Variants in DNAH1 observed in about 807,000 individuals in gnomAD.
DNAH1 encodes the protein dynein axonemal heavy chain 1, also known as axonemal beta dynein heavy chain 1.
DNAH1 carries 327 observed loss-of-function variants against 484.3 expected under a neutral mutation model. The observed-to-expected ratio is 0.68, with a 90% CI of 0.62 to 0.74. DNAH1 has a LOEUF of 0.74. Ranked by LOEUF, DNAH1 falls within the 30% of genes least tolerant of loss-of-function variation. DNAH1 has a pLI of 0.00. For synonymous variants in DNAH1, 2,192 were observed against 2,191.9 expected (o/e 1.00, Z 0.00); for missense variants, 5,052 against 5,546.8 (o/e 0.91, Z 2.83).
rs1324599708 is a variant in DNAH1 at position 52,395,858 on chromosome 3, C to T, written c.11259+180C>T. Among the ~76,000 whole-genome samples the T allele has an allele frequency of 6.6e-6, 1 of 152,176 alleles. No homozygotes were observed. The highest frequency in any genetic ancestry group is 6.5e-5 in the Admixed American group (1 of 15,282). ...ATTAATCCTCTCAATCCACCCCCAC[C>T]CCCAGTTACCTGTACAAGCGGTGAT... is the stretch of plus-strand genomic sequence containing the variant. On this transcript the variant is annotated intron_variant, in intron 70 of 77. Transcript: ENST00000420323. The surrounding 1 kb of genome is among the most constrained non-coding windows in gnomAD (Gnocchi z 4.4).
chr3:52,373,135 C>A, intron 44 of DNAH1, 82 bp downstream of exon 44: 1 of 1,429,742 alleles, frequency 7.0e-7, no homozygotes, highest in Non-Finnish European at 9.2e-7. Context: ...TGAAGGCCTA[C>A]AATACTTTAA....
chr3:52,348,013 G>GCCCT, intron 12 of DNAH1, 39 bp downstream of exon 12: 2 of 1,568,886 alleles, frequency 1.3e-6, no homozygotes, highest in Non-Finnish European at 1.7e-6. Context: ...GGCACCTGCT[G>GCCCT]CCCTGGCTGC....
chr3:52,360,290 C>T (rs1215480589), intron 27 of DNAH1, 21 bp from the exon 28 acceptor site: 3 of 1,604,976 alleles, frequency 1.9e-6, no homozygotes, highest in Admixed American at 3.3e-5. Context: ...TGGCCAGGCC[C>T]TCATCTCCCT....
At position 52,391,342 on chromosome 3, in the gene DNAH1, G is replaced by A; in HGVS notation, c.9891+14G>A. 1.2e-6 allele frequency: 2 copies of A among 1,602,444 alleles called. No individual in the cohort carries two copies. Among genetic ancestry groups the A allele is most frequent in the South Asian group, 1.1e-5 (1 of 89,366 alleles). ...CTGCTCAAGCAGGTGGGTCTGCAGTGGTGATGGCAGGGTGGCAGTAGGCCT... is the reference window on the plus strand; with the variant it reads ...CTGCTCAAGCAGGTGGGTCTGCAGTAGTGATGGCAGGGTGGCAGTAGGCCT... On this transcript the variant is annotated intron_variant, in intron 62 of 77. Transcript: ENST00000420323.
chr3:52,333,391 C>CTTT (rs34307560), intron 8 of DNAH1, among the ~76,000 whole-genome samples: 2 of 137,540 alleles, frequency 1.5e-5, no homozygotes, highest in African/African-American at 5.5e-5. Context: ...TTCTTTCTTT[C>CTTT]TTTTTTTTTT....
chr3:52,327,921 G>A lies in DNAH1; in HGVS notation c.778G>A (p.Glu260Lys). 1 of 1,613,984 alleles carries A rather than the reference G, an allele frequency of 6.2e-7. No individual in the cohort carries two copies. Among genetic ancestry groups the A allele is most frequent in the Non-Finnish European group, 8.5e-7 (1 of 1,179,840 alleles). Residue 260 changes from glutamate to lysine, a missense_variant, in exon 6 of 78, where the codon GAG (glutamate) becomes AAG (lysine). Physicochemically the swap from Glu to Lys is moderately conservative, Grantham distance 56 (BLOSUM62 1). This residue lies in a region of DNAH1 where 1,263 missense variants were observed against 1,218.8 expected (regional missense o/e 1.04). Coordinates refer to ENST00000420323, the MANE Select transcript of DNAH1 (RefSeq NM_015512.5). ...GGACTTTGACTGCCGGACTCCCAGA[G>A]AGTGGATCAACATGGGCTTGGAGCC... ...NEDFDCRTPR[E>K]WINMGLEPGS...
chr3:52,313,565 A>C (rs981441852), upstream of DNAH1, among the ~76,000 whole-genome samples: 1 of 152,148 alleles, frequency 6.6e-6, no homozygotes, highest in Non-Finnish European at 1.5e-5. Flanking sequence ...GCAGATTGCC[A>C]AGGAAGTTGT....
chr3:52,321,281 T>C (rs1165701623), intron 1 of DNAH1, among the ~76,000 whole-genome samples: 1 of 152,056 alleles, frequency 6.6e-6, no homozygotes, highest in Admixed American at 6.5e-5. Flanking sequence ...CACACCTGGC[T>C]AATTTTGTAT....
At chr3:52,348,097 C>A in intron 12 of DNAH1, 123 bp downstream of exon 12, 1 of 1,000,426 alleles carries the variant, frequency 1.0e-6, no homozygotes, top group Non-Finnish European at 1.4e-6. Context: ...AGGCAGCATG[C>A]TCAGCCCTGT....
chr3:52,349,044 C>T lies in DNAH1; in HGVS notation c.2263C>T (p.Leu755=), dbSNP rs1004543191. 5.0e-6 allele frequency: 8 copies of T among 1,612,872 alleles called. No homozygotes were observed. In the African/African-American group the frequency reaches 1.1e-4, roughly 22 times the overall value. ...CTACGCCAAGGAGTACCGAAAGTACCTGGAGCTGAACAACAATGACATTGC... is the reference window on the plus strand; with the variant it reads ...CTACGCCAAGGAGTACCGAAAGTACTTGGAGCTGAACAACAATGACATTGC... ...QAYAKEYRKY[L]ELNNNDIASF... Residue 755 remains leucine (L), a synonymous_variant, in exon 13 of 78, where the codon CTG becomes TTG. Transcript: ENST00000420323.
chr3:52,332,229 G>C lies in DNAH1; in HGVS notation c.1121G>C (p.Arg374Pro), dbSNP rs368890641. ...CAEDPCMFAQ[R>P]VVQANALRKN... ...GAGGACCCTTGCATGTTCGCACAACGTGTGGTCCAGGCCAACGCCCTGCGC... is the reference window on the plus strand; with the variant it reads ...GAGGACCCTTGCATGTTCGCACAACCTGTGGTCCAGGCCAACGCCCTGCGC... The change falls in exon 8 of 78, where the codon CGT (arginine) becomes CCT (proline). Residue 374 changes from arginine to proline, a missense_variant. This residue lies in a region of DNAH1 where 1,263 missense variants were observed against 1,218.8 expected (regional missense o/e 1.04). Transcript: ENST00000420323. 1 of 1,613,608 alleles carries C rather than the reference G, an allele frequency of 6.2e-7. No individual in the cohort carries two copies. Among genetic ancestry groups the C allele is most frequent in the Admixed American group, 1.7e-5 (1 of 59,946 alleles).
At chr3:52,345,226 G>C (rs968933473) in intron 9 of DNAH1, among the ~76,000 whole-genome samples, 6 of 152,196 alleles carry the variant, frequency 3.9e-5, no homozygotes, top group Admixed American at 6.5e-5. Flanking sequence ...ATGAGGAGAG[G>C]GTTCTTGGTT....
Position 52,370,033 on chromosome 3 carries a change from C to G in DNAH1, c.6138+14C>G. 1.2e-6 allele frequency: 2 copies of G among 1,612,742 alleles called. No individual in the cohort carries two copies. Among genetic ancestry groups the G allele is most frequent in the South Asian group, 1.1e-5 (1 of 91,052 alleles). On this transcript the variant is annotated intron_variant, in intron 38 of 77. Coordinates refer to ENST00000420323, the MANE Select transcript of DNAH1 (RefSeq NM_015512.5). Reference sequence around the variant, plus strand: ...AGCTTCCTGGAGGTGAGTGAGGCCACGGGTATGTCTGACCCTGGCAGGGCA... The same window carrying G: ...AGCTTCCTGGAGGTGAGTGAGGCCAGGGGTATGTCTGACCCTGGCAGGGCA...
At chr3:52,374,835 C>T (rs965760197) in intron 44 of DNAH1, 5 of 1,095,338 alleles carry the variant, frequency 4.6e-6, no homozygotes, top group Non-Finnish European at 5.6e-6. Context: ...AATGGAAGTA[C>T]GAGAAGAAGC....
In DNAH1 at chr3:52,396,551, T is replaced by TC. The variant is rs747969707; in HGVS notation, c.11430+13_11430+14insC. 1.2e-6 allele frequency: 2 copies of TC among 1,612,888 alleles called. No homozygotes were observed. Among genetic ancestry groups the TC allele is most frequent in the Non-Finnish European group, 1.7e-6 (2 of 1,179,374 alleles). ...CTCCTGCCACAAGGTGAGGCACACT[T>TC]GGTGCAGGCCTACCCTACCTGCCCC... On this transcript the variant is annotated intron_variant, in intron 71 of 77. Transcript: ENST00000420323.
chr3:52,360,159 T>G, intron 27 of DNAH1, 80 bp downstream of exon 27: 1 of 1,590,298 alleles, frequency 6.3e-7, no homozygotes, highest in Non-Finnish European at 8.6e-7. Context: ...CAGTTAGCAA[T>G]AAGCTGGTCT....
Position 52,391,613 on chromosome 3 carries a change from C to T in DNAH1, c.10052+10C>T. 6.2e-7 allele frequency: 1 copy of T among 1,613,642 alleles called. No homozygotes were observed. Among genetic ancestry groups the T allele is most frequent in the Non-Finnish European group, 8.5e-7 (1 of 1,179,834 alleles). ...TCACCCTGTCGCCCAGGTGAGCCCCCACTCTTGGGGACGCCCAAGCATCAG... is the reference window on the plus strand; with the variant it reads ...TCACCCTGTCGCCCAGGTGAGCCCCTACTCTTGGGGACGCCCAAGCATCAG... On this transcript the variant is annotated intron_variant, in intron 63 of 77. Coordinates refer to ENST00000420323, the MANE Select transcript of DNAH1 (RefSeq NM_015512.5).
chr3:52,340,536 A>G (rs1461235982), intron 8 of DNAH1, among the ~76,000 whole-genome samples: 2 of 150,104 alleles, frequency 1.3e-5, no homozygotes, highest in Admixed American at 6.6e-5. Flanking sequence ...CTGTGTTGAA[A>G]TGATTCTCCT....
intron 8 of DNAH1, among the ~76,000 whole-genome samples, chr3:52,338,742 T>C (rs1220750930): frequency 6.6e-6 from 1 of 151,942 alleles, no homozygotes; most frequent in African/African-American, 2.4e-5. Flanking sequence ...AAGTCTGAGG[T>C]TGGCCGGGCA....
Sources: allele counts gnomAD v4.1 joint callset (sites outside exome capture counted in the v4.1 genomes callset), GRCh38; gene constraint gnomAD v4.1.1; regional missense constraint gnomAD v4.1.1; non-coding constraint Gnocchi (gnomAD v3.1); transcripts MANE v1.5; gene names NCBI Gene and HGNC (gene_info 2026-07-23, HGNC 2026-07-21).